Variants in KIF16B observed in about 807,000 individuals in gnomAD.
KIF16B encodes the protein kinesin-like protein KIF16B.
KIF16B carries 98 observed loss-of-function variants against 156.3 expected under a neutral mutation model. The observed-to-expected ratio is 0.63, with a 90% confidence interval of 0.53 to 0.74. The LOEUF is 0.74. Among genes scored for constraint, KIF16B ranks in the 30% least tolerant of loss-of-function variants. KIF16B has a pLI of 0.00. For missense variants in KIF16B, 1,421 were observed against 1,606.5 expected, an observed-to-expected ratio of 0.88 and a Z score of 1.97; for synonymous variants, 564 against 583.7, an observed-to-expected ratio of 0.97 and a Z score of 0.49.
Position 16,508,058 on chromosome 20 carries a change from T to C in KIF16B, c.599A>G (p.Glu200Gly), listed in dbSNP as rs1226520195. The change falls in exon 7 of 26, where the codon GAA becomes GGA. Residue 200 changes from glutamate to glycine, a missense_variant. Physicochemically the swap from Glu to Gly is moderately conservative, Grantham distance 98 (BLOSUM62 -2). Coordinates refer to ENST00000354981, the MANE Select transcript of KIF16B (RefSeq NM_024704.5). ...HLVQNYGDVE[E>G]LMDAGNINRT... ...GTTGATATTGCCCGCATCCATAAGT[T>C]CTTCTACGTCACCATAATTCTGTAC... 1 of 1,614,162 alleles carries C rather than the reference T, an allele frequency of 6.2e-7. No homozygotes were observed. Among genetic ancestry groups the C allele is most frequent in the Admixed American group, 1.7e-5 (1 of 60,026 alleles).
At chr20:16,505,437 T>C (rs2068745380) in intron 9 of KIF16B, among the ~76,000 whole-genome samples, 1 of 152,236 alleles carries the variant, frequency 6.6e-6, no homozygotes, top group African/African-American at 2.4e-5. Flanking sequence ...TTTTCTCCTA[T>C]GAGGTAAATT....
At chr20:16,328,195 G>A (rs1054514546) in intron 24 of KIF16B, among the ~76,000 whole-genome samples, 1 of 152,146 alleles carries the variant, frequency 6.6e-6, no homozygotes, top group African/African-American at 2.4e-5. Context: ...CCCAGAGAAT[G>A]CCAGATGTGA....
In KIF16B at chr20:16,372,123, C is replaced by T. The variant is rs543218680; in HGVS notation, c.3351-362G>A. 7.9e-5 allele frequency among the ~76,000 whole-genome samples: 12 copies of T among 152,298 alleles called. No individual in the cohort carries two copies. In the South Asian group the frequency reaches 1.5e-3, roughly 18 times the overall value. On this transcript the variant is annotated intron_variant, in intron 20 of 25. Transcript: ENST00000354981. Reference sequence around the variant, plus strand: ...AATCTGATGCCAAGACAGAATATTTCATTCAGAGCCTTGGGTTCCTCATAC... The same window carrying T: ...AATCTGATGCCAAGACAGAATATTTTATTCAGAGCCTTGGGTTCCTCATAC...
chr20:16,296,668 G>A (rs1003622968), intron 25 of KIF16B, among the ~76,000 whole-genome samples: 1 of 152,150 alleles, frequency 6.6e-6, no homozygotes, highest in African/African-American at 2.4e-5. Context: ...GATTGTAATT[G>A]GGATTGATAT....
intron 11 of KIF16B, among the ~76,000 whole-genome samples, 197 bp downstream of exon 11, chr20:16,497,416 T>C (rs907612154): frequency 1.3e-5 from 2 of 152,202 alleles, no homozygotes; most frequent in Admixed American, 6.5e-5. Flanking sequence ...AAATCCCGTT[T>C]ATTAAACCAC....
Position 16,368,663 on chromosome 20 carries a change from C to T in KIF16B, c.3498+1923G>A, listed in dbSNP as rs535646577. The T allele has an allele frequency of 1.3e-5, 13 of 985,922 alleles. No individual in the cohort carries two copies. The South Asian group carries it at 5.6e-4, about 43-fold the overall frequency. The allele number at this position is 985,922 out of a possible 1,614,324, so 61.1% of individuals were successfully genotyped here. On this transcript the variant is annotated intron_variant, in intron 22 of 25. Transcript: ENST00000354981. ...GACTCCGATGAGCTCATTTTTTTAG[C>T]ATCCAACTCTTCCTCACCTTGCTGC...
chr20:16,446,848 T>C (rs901241622), intron 12 of KIF16B, among the ~76,000 whole-genome samples: 1 of 152,284 alleles, frequency 6.6e-6, no homozygotes, highest in Non-Finnish European at 1.5e-5. Context: ...GAGTAAACAA[T>C]AAATGCTCCT....
chr20:16,360,256 T>C (rs2064526467), intron 22 of KIF16B, among the ~76,000 whole-genome samples: 1 of 152,206 alleles, frequency 6.6e-6, no homozygotes, highest in African/African-American at 2.4e-5. Context: ...GGAAGTAAAG[T>C]TAACATAAAT....
chr20:16,472,865 G>A (rs982860459), intron 12 of KIF16B, among the ~76,000 whole-genome samples: 2 of 152,136 alleles, frequency 1.3e-5, no homozygotes, highest in African/African-American at 2.4e-5. Flanking sequence ...CATACCGTTT[G>A]TTTTGAGTTA....
intron 12 of KIF16B, among the ~76,000 whole-genome samples, chr20:16,480,808 AGT>A (rs1491385684): frequency 6.6e-6 from 1 of 151,892 alleles, no homozygotes; most frequent in Non-Finnish European, 1.5e-5. Flanking sequence ...CAATTCAAAT[AGT>A]TTTTTTTTAA....
intron 3 of KIF16B, among the ~76,000 whole-genome samples, chr20:16,521,089 C>T (rs2069332849): frequency 6.7e-6 from 1 of 148,922 alleles, no homozygotes; most frequent in African/African-American, 2.5e-5. Context: ...CTGAAAATTC[C>T]AAAAACCAGA....
At chr20:16,564,276 AT>A (rs1460553675) in intron 1 of KIF16B, among the ~76,000 whole-genome samples, 2 of 152,184 alleles carry the variant, frequency 1.3e-5, no homozygotes, top group Non-Finnish European at 2.9e-5. Context: ...AACCTTTTTT[AT>A]GGCTGCATAG....
intron 25 of KIF16B, among the ~76,000 whole-genome samples, chr20:16,286,193 T>C (rs144247940): frequency 2.0e-5 from 3 of 152,226 alleles, no homozygotes; most frequent in Non-Finnish European, 4.4e-5. Context: ...AGAATGAAGA[T>C]TATTACAAAT....
intron 24 of KIF16B, among the ~76,000 whole-genome samples, chr20:16,334,376 G>C (rs375613588): frequency 3.5e-4 from 53 of 152,266 alleles, no homozygotes; most frequent in African/African-American, 1.2e-3. Flanking sequence ...TGTCAATATT[G>C]ATTTCAGCCA....
chr20:16,437,128 G>A (rs566160275), intron 12 of KIF16B, among the ~76,000 whole-genome samples: 7 of 152,208 alleles, frequency 4.6e-5, no homozygotes, highest in Admixed American at 3.3e-4. Context: ...TATTGTTCAG[G>A]GAATAATGAC....
At chr20:16,512,168 A>G (rs961810381) in intron 5 of KIF16B, among the ~76,000 whole-genome samples, 9 of 152,062 alleles carry the variant, frequency 5.9e-5, no homozygotes, top group African/African-American at 1.9e-4. Flanking sequence ...AGGAAGGTAC[A>G]TTAAGTGAGG....
intron 25 of KIF16B, among the ~76,000 whole-genome samples, chr20:16,288,814 G>A (rs866543754): frequency 1.7e-4 from 24 of 142,152 alleles, no homozygotes; most frequent in African/African-American, 5.1e-4. Flanking sequence ...GTATGTACTG[G>A]TGATAAGGTT....
chr20:16,570,271 A>C (rs190399179), intron 1 of KIF16B, among the ~76,000 whole-genome samples: 69 of 152,326 alleles, frequency 4.5e-4, no homozygotes, highest in Non-Finnish European at 2.9e-4. Flanking sequence ...AAAAATTAGA[A>C]ATTAGAAAAA....
chr20:16,571,514 C>T (rs567767782), intron 1 of KIF16B, among the ~76,000 whole-genome samples: 2 of 151,438 alleles, frequency 1.3e-5, no homozygotes, highest in African/African-American at 4.8e-5. Flanking sequence ...CAATACTTCA[C>T]AAGATTCATG....
Sources: gnomAD v4.1 joint callset for allele counts (sites outside exome capture counted in the v4.1 genomes callset) on GRCh38, gnomAD v4.1.1 for gene constraint, MANE v1.5 for transcripts, NCBI Gene and HGNC (gene_info 2026-07-23, HGNC 2026-07-21) for gene names.